The following ADAMTSL3 variants were observed in gnomAD, a reference collection of about 807,000 sequenced individuals.
The protein encoded by ADAMTSL3 is ADAMTS-like protein 3.
In ADAMTSL3, 128 loss-of-function variants were observed where a neutral mutation model predicts 201.7. The ratio of observed to expected loss-of-function variants is 0.63; its 90% CI spans 0.55 to 0.73. The LOEUF (loss-of-function observed/expected upper bound fraction) is 0.73, where lower values mean the gene tolerates loss of function less well. Among genes scored for constraint, ADAMTSL3 ranks in the 30% least tolerant of loss-of-function variants. ADAMTSL3 has a pLI of 0.00. For missense variants in ADAMTSL3, 1,990 were observed against 2,119.6 expected, an observed-to-expected ratio of 0.94 and a Z score of 1.20; for synonymous variants, 738 against 748.4, an observed-to-expected ratio of 0.99 and a Z score of 0.23.
intron 15 of ADAMTSL3, among the ~76,000 whole-genome samples, chr15:83,900,191 C>T (rs1314158003): frequency 2.0e-5 from 3 of 152,194 alleles, no homozygotes; most frequent in Admixed American, 6.5e-5. Context: ...CTTAGAACCA[C>T]CCCTGCTAAC....
chr15:83,896,835 A>T (rs989476673), intron 13 of ADAMTSL3, among the ~76,000 whole-genome samples: 1 of 152,192 alleles, frequency 6.6e-6, no homozygotes, highest in Non-Finnish European at 1.5e-5. Flanking sequence ...TCACAGTTCC[A>T]CATGTCTGGG....
intron 8 of ADAMTSL3, among the ~76,000 whole-genome samples, chr15:83,867,362 C>T (rs1053338125): frequency 6.6e-6 from 1 of 152,196 alleles, no homozygotes; most frequent in Non-Finnish European, 1.5e-5. Context: ...GGGGAGCACA[C>T]AGCCCCAAAT....
chr15:84,006,771 G>A (rs1344682758), intron 23 of ADAMTSL3, among the ~76,000 whole-genome samples: 2 of 152,248 alleles, frequency 1.3e-5, no homozygotes, highest in Non-Finnish European at 2.9e-5. Flanking sequence ...GTGGTGCGAA[G>A]AAATCTGTCT....
chr15:83,766,510 C>T (rs574852937), intron 3 of ADAMTSL3, among the ~76,000 whole-genome samples: 7 of 152,082 alleles, frequency 4.6e-5, no homozygotes, highest in Non-Finnish European at 8.8e-5. Context: ...ATAGAGATAT[C>T]GAAAGAATGT....
At chr15:83,995,680 C>T (rs1028015185) in intron 23 of ADAMTSL3, among the ~76,000 whole-genome samples, 2 of 151,942 alleles carry the variant, frequency 1.3e-5, no homozygotes, top group African/African-American at 4.8e-5. Flanking sequence ...TAATTATCCC[C>T]ATTTAAAAGC....
At chr15:83,694,139 G>A (rs989939556) in intron 2 of ADAMTSL3, among the ~76,000 whole-genome samples, 1 of 152,166 alleles carries the variant, frequency 6.6e-6, no homozygotes, top group Non-Finnish European at 1.5e-5. Flanking sequence ...CTGTCAGGGC[G>A]TGGAAGCGAT....
chr15:83,734,455 G>A (rs2062337155), intron 3 of ADAMTSL3, among the ~76,000 whole-genome samples: 4 of 152,102 alleles, frequency 2.6e-5, no homozygotes, highest in Admixed American at 2.6e-4. Context: ...GGCGTTACCA[G>A]GACACAGCTA....
At chr15:83,655,677 A>G in intron 1 of ADAMTSL3, 52 bp from the exon 2 acceptor site, 1 of 1,357,868 alleles carries the variant, frequency 7.4e-7, no homozygotes. Flanking sequence ...GTCACGGTTT[A>G]CTGCCATGGG....
chr15:83,688,755 T>TACACAC (rs34509050), intron 2 of ADAMTSL3, among the ~76,000 whole-genome samples: 3 of 148,974 alleles, frequency 2.0e-5, no homozygotes, highest in Non-Finnish European at 3.0e-5. Context: ...TGCATATATA[T>TACACAC]ACACACACAC....
At chr15:83,962,106 C>G (rs2066984024) in intron 19 of ADAMTSL3, 1 of 152,150 alleles carries the variant, frequency 6.6e-6, no homozygotes, top group South Asian at 2.1e-4. Context: ...CTCACGAGAT[C>G]TGATGGTTTT....
chr15:83,773,419 A>G, intron 3 of ADAMTSL3, 104 bp from the exon 4 acceptor site: 1 of 1,265,768 alleles, frequency 7.9e-7, no homozygotes, highest in Non-Finnish European at 1.1e-6. Flanking sequence ...AAAAAAAAAA[A>G]GGTGACTCTG....
At chr15:84,012,243 G>A (rs2068019119) in intron 23 of ADAMTSL3, among the ~76,000 whole-genome samples, 1 of 152,134 alleles carries the variant, frequency 6.6e-6, no homozygotes, top group South Asian at 2.1e-4. Context: ...TACACTTAGA[G>A]TATCTAAGGC....
intron 19 of ADAMTSL3, among the ~76,000 whole-genome samples, chr15:83,946,542 A>G (rs368986467): frequency 6.6e-6 from 1 of 152,344 alleles, no homozygotes; most frequent in South Asian, 2.1e-4. Context: ...CCTTGAGGCC[A>G]GTGGCCATGG....
intron 19 of ADAMTSL3, chr15:83,962,236 C>G (rs955121227): frequency 3.9e-5 from 6 of 152,298 alleles, no homozygotes; most frequent in Admixed American, 2.6e-4. Context: ...CCACGTGGAA[C>G]TGAGTCTATT....
chr15:83,662,610 AAGTTC>A (rs1012851528), intron 2 of ADAMTSL3, among the ~76,000 whole-genome samples: 1 of 151,904 alleles, frequency 6.6e-6, no homozygotes, highest in Non-Finnish European at 1.5e-5. Context: ...GAAAAAAAAA[AAGTTC>A]AGTTCATTTA....
Position 84,023,527 on chromosome 15 carries a change from C to G in ADAMTSL3, c.4458-1711C>G, listed in dbSNP as rs182657624. On this transcript the variant is annotated intron_variant, in intron 26 of 29. Transcript: ENST00000286744. ...CCCTAACTGATAGGTCTTCCAGTAC[C>G]CTTTGTAATTCTCAAAAGGAAGATC... 8.5e-5 allele frequency among the ~76,000 whole-genome samples: 13 copies of G among 152,246 alleles called. No individual in the cohort carries two copies. In the East Asian group the frequency reaches 2.5e-3, roughly 29 times the overall value.
intron 15 of ADAMTSL3, among the ~76,000 whole-genome samples, chr15:83,911,734 A>G (rs1420499844): frequency 6.6e-6 from 1 of 152,204 alleles, no homozygotes; most frequent in East Asian, 1.9e-4. Flanking sequence ...GGACAACTAT[A>G]TTTAAGTCTT....
chr15:83,739,947 G>T, intron 3 of ADAMTSL3: 1 of 544,310 alleles, frequency 1.8e-6, no homozygotes. Flanking sequence ...TCTTCAGTGA[G>T]ATGGGTACTG....
In ADAMTSL3 at chr15:83,670,923, T is replaced by A. The variant is rs560303363; in HGVS notation, c.69+15093T>A. On this transcript the variant is annotated intron_variant, in intron 2 of 29. Coordinates refer to ENST00000286744, the MANE Select transcript of ADAMTSL3 (RefSeq NM_207517.3). ...TAGTAATTAGCGTTCTTCAGAGCTA[T>A]CTAGATGTTCATATTCTTTCACTCC... Among the ~76,000 whole-genome samples the A allele has an allele frequency of 1.3e-4, 20 of 152,338 alleles. 2 individuals are homozygous for A. In the South Asian group the frequency reaches 3.7e-3, roughly 28 times the overall value.
Sources: gnomAD v4.1 joint callset for allele counts (sites outside exome capture counted in the v4.1 genomes callset) on GRCh38, gnomAD v4.1.1 for gene constraint, MANE v1.5 for transcripts, NCBI Gene and HGNC (gene_info 2026-07-23, HGNC 2026-07-21) for gene names.